Variants in PDGFC observed in about 807,000 individuals in gnomAD.
The protein encoded by PDGFC is platelet-derived growth factor C.
Under a neutral mutation model 35.5 loss-of-function variants are expected in PDGFC, and 12 were observed. The ratio of observed to expected loss-of-function variants is 0.34; its 90% CI spans 0.22 to 0.55. The LOEUF is 0.55. PDGFC is among the 20% of genes least tolerant of loss of function. The probability of loss-of-function intolerance (pLI) is 0.91; values close to 1 mark genes in which losing one functional copy is unlikely to be tolerated. For synonymous variants in PDGFC, 159 were observed against 148.8 expected (o/e 1.07, Z -0.50); for missense variants, 322 against 412.4 (o/e 0.78, Z 1.90).
chr4:156,876,615 G>T (rs1034101632), intron 1 of PDGFC: 2 of 152,162 alleles, frequency 1.3e-5, no homozygotes, highest in African/African-American at 4.8e-5. Flanking sequence ...TTCAGTCATT[G>T]TGTACACTGT....
chr4:156,761,353 C>A lies in PDGFC; in HGVS notation c.*1737G>T, dbSNP rs1730371727. 1 of 152,194 alleles carries A rather than the reference C, an allele frequency of 6.6e-6. No individual in the cohort carries two copies. The highest frequency in any genetic ancestry group is 2.4e-5 in the African/African-American group (1 of 41,446). The allele number at this position is 152,194 out of a possible 1,614,324, so 9.4% of individuals were successfully genotyped here. ...AGTTTCATACTACCATACCACCTAT[C>A]ACCAAGCATTTCATAAACCATACAA... On this transcript the variant is annotated 3_prime_UTR_variant, in exon 6 of 6. Coordinates refer to ENST00000502773, the MANE Select transcript of PDGFC (RefSeq NM_016205.3).
intron 1 of PDGFC, among the ~76,000 whole-genome samples, chr4:156,955,150 G>A (rs987366108): frequency 2.0e-5 from 3 of 151,932 alleles, no homozygotes; most frequent in East Asian, 1.9e-4. Flanking sequence ...TTAAATCCAC[G>A]TTGGCTTTGA....
chr4:156,854,755 G>C (rs930450763), intron 1 of PDGFC, among the ~76,000 whole-genome samples: 2 of 151,978 alleles, frequency 1.3e-5, no homozygotes, highest in African/African-American at 2.4e-5. Flanking sequence ...ACCCACTTGA[G>C]AATATTTTAT....
chr4:156,768,052 T>C, intron 4 of PDGFC, 62 bp from the exon 5 acceptor site: 2 of 924,142 alleles, frequency 2.2e-6, no homozygotes, highest in East Asian at 4.8e-5. Context: ...TGAATGTATT[T>C]CATTAAGCTC....
chr4:156,910,447 C>A (rs977589183), intron 1 of PDGFC, among the ~76,000 whole-genome samples: 5 of 152,086 alleles, frequency 3.3e-5, no homozygotes, highest in African/African-American at 1.2e-4. Context: ...TTCTTGAAAG[C>A]CATTTAGGCT....
intron 1 of PDGFC, among the ~76,000 whole-genome samples, chr4:156,926,330 G>T (rs1579104429): frequency 6.6e-6 from 1 of 152,172 alleles, no homozygotes; most frequent in East Asian, 1.9e-4. Context: ...CAGGAAAAAA[G>T]AGATTATTTT....
intron 2 of PDGFC, among the ~76,000 whole-genome samples, chr4:156,847,752 A>G (rs1729360222): frequency 6.6e-6 from 1 of 151,294 alleles, no homozygotes. Flanking sequence ...ACCTATTTTT[A>G]TACTAAAAAG....
chr4:156,840,773 G>A (rs1040675779), intron 2 of PDGFC, among the ~76,000 whole-genome samples: 11 of 152,324 alleles, frequency 7.2e-5, no homozygotes, highest in South Asian at 6.2e-4. Context: ...GCGAGTTCAC[G>A]TCTTGCATCA....
At chr4:156,859,287 A>T (rs1333981834) in intron 1 of PDGFC, among the ~76,000 whole-genome samples, 1 of 152,190 alleles carries the variant, frequency 6.6e-6, no homozygotes, top group Admixed American at 6.6e-5. Context: ...TAGCTTCAAA[A>T]GTGAATGTAT....
Position 156,970,921 on chromosome 4 carries a change from G to C in PDGFC, c.-18C>G, listed in dbSNP as rs1732578128. The C allele has an allele frequency of 3.9e-6, 6 of 1,541,506 alleles. No individual in the cohort carries two copies. Among genetic ancestry groups the C allele is most frequent in the Non-Finnish European group, 5.4e-6 (6 of 1,115,020 alleles). On this transcript the variant is annotated 5_prime_UTR_variant, in exon 1 of 6. Transcript: ENST00000502773. The stretch of plus-strand genomic sequence containing the variant: ...AGGCTCATTTGGCTGACTGGGGTGA[G>C]AGCTCACTCACGGCGGGCACTTTGG...
At chr4:156,779,052 G>A (rs1034338563) in intron 3 of PDGFC, 3 of 439,564 alleles carry the variant, frequency 6.8e-6, no homozygotes, top group Non-Finnish European at 1.4e-5. Context: ...TCTCATTTAT[G>A]TAATGTCAAA....
chr4:156,879,546 C>A (rs1379771540), intron 1 of PDGFC, among the ~76,000 whole-genome samples: 2 of 152,078 alleles, frequency 1.3e-5, no homozygotes, highest in Non-Finnish European at 2.9e-5. Context: ...TACTAACAAG[C>A]ACAGGACATT....
chr4:156,794,057 A>T (rs529220856), intron 3 of PDGFC, among the ~76,000 whole-genome samples: 2 of 152,278 alleles, frequency 1.3e-5, no homozygotes, highest in African/African-American at 2.4e-5. Context: ...GTATCATAAA[A>T]CATTGTCCTA....
chr4:156,805,592 T>C (rs1731735040), intron 3 of PDGFC, among the ~76,000 whole-genome samples: 1 of 152,058 alleles, frequency 6.6e-6, no homozygotes, highest in Non-Finnish European at 1.5e-5. Context: ...GGCATGCTGC[T>C]TTTTTTCCTA....
intron 1 of PDGFC, among the ~76,000 whole-genome samples, chr4:156,943,317 C>T (rs1362730164): frequency 6.6e-6 from 1 of 152,092 alleles, no homozygotes; most frequent in Non-Finnish European, 1.5e-5. Flanking sequence ...ATTATTCGCT[C>T]TAAATTCCCA....
chr4:156,945,379 AT>A (rs1731921228), intron 1 of PDGFC, among the ~76,000 whole-genome samples: 3 of 128,184 alleles, frequency 2.3e-5, no homozygotes, highest in Middle Eastern at 3.6e-3. Context: ...ATATATATAT[AT>A]ATATATATAT....
intron 1 of PDGFC, among the ~76,000 whole-genome samples, chr4:156,855,127 A>G (rs1333032281): frequency 6.6e-6 from 1 of 152,124 alleles, no homozygotes; most frequent in East Asian, 1.9e-4. Flanking sequence ...GAATCACTAT[A>G]TATCTGTAAG....
At chr4:156,851,681 C>G (rs933788544) in intron 1 of PDGFC, among the ~76,000 whole-genome samples, 1 of 152,088 alleles carries the variant, frequency 6.6e-6, no homozygotes, top group African/African-American at 2.4e-5. Flanking sequence ...CGGTGGCTCA[C>G]GCCTGTAATC....
chr4:156,868,241 T>C (rs1388485611), intron 1 of PDGFC, among the ~76,000 whole-genome samples: 1 of 152,236 alleles, frequency 6.6e-6, no homozygotes, highest in Admixed American at 6.5e-5. Flanking sequence ...GTGACAATCA[T>C]ACCTGTCACC....
Sources: gnomAD v4.1 joint callset for allele counts (sites outside exome capture counted in the v4.1 genomes callset) on GRCh38, gnomAD v4.1.1 for gene constraint, MANE v1.5 for transcripts, NCBI Gene and HGNC (gene_info 2026-07-23, HGNC 2026-07-21) for gene names.